The following RUNX1 variants were observed in gnomAD, a reference collection of about 807,000 sequenced individuals.
The protein encoded by RUNX1 is runt-related transcription factor 1.
Under a neutral mutation model 42.8 loss-of-function variants are expected in RUNX1, and 19 were observed. The ratio of observed to expected loss-of-function variants is 0.44; its 90% CI spans 0.31 to 0.65. The LOEUF (loss-of-function observed/expected upper bound fraction) is 0.65, where lower values mean the gene tolerates loss of function less well. Among genes scored for constraint, RUNX1 ranks in the 30% least tolerant of loss-of-function variants. The probability of loss-of-function intolerance (pLI) is 0.07; values close to 1 mark genes in which losing one functional copy is unlikely to be tolerated. For synonymous variants in RUNX1, 271 were observed against 289.4 expected (o/e 0.94, Z 0.64); for missense variants, 528 against 672.0 (o/e 0.79, Z 2.37).
At chr21:35,001,185 TG>T (rs1302964389) in intron 2 of RUNX1, among the ~76,000 whole-genome samples, 1 of 152,004 alleles carries the variant, frequency 6.6e-6, no homozygotes, top group African/African-American at 2.4e-5. Context: ...GTTTCTTATT[TG>T]TATTTTTTAA....
intron 2 of RUNX1, among the ~76,000 whole-genome samples, chr21:34,993,537 GCACACACAGACA>G (rs1166100236): frequency 1.6e-5 from 1 of 61,236 alleles, no homozygotes; most frequent in East Asian, 4.5e-4. Context: ...ATACATACAG[GCACACACAGACA>G]CACACACAGG....
chr21:34,908,121 T>C (rs963135600), intron 2 of RUNX1, among the ~76,000 whole-genome samples: 13 of 152,148 alleles, frequency 8.5e-5, no homozygotes, highest in African/African-American at 2.9e-4. Context: ...CAAAGCTAAA[T>C]GGATTTCTTC....
intron 5 of RUNX1, among the ~76,000 whole-genome samples, chr21:34,866,685 G>A (rs986111108): frequency 2.0e-5 from 3 of 152,088 alleles, no homozygotes; most frequent in Non-Finnish European, 4.4e-5. Context: ...ATTTCTGGAC[G>A]GGATACAAAT....
intron 2 of RUNX1, among the ~76,000 whole-genome samples, chr21:34,930,351 C>T (rs1341633396): frequency 6.7e-6 from 1 of 149,362 alleles, no homozygotes; most frequent in African/African-American, 2.5e-5. Context: ...AACCTAGACT[C>T]TGGTTCTTTT....
chr21:34,955,345 C>G (rs1300456636), intron 2 of RUNX1, among the ~76,000 whole-genome samples: 1 of 152,010 alleles, frequency 6.6e-6, no homozygotes, highest in Non-Finnish European at 1.5e-5. Context: ...GACTTTAGGA[C>G]TATATCTGGC....
intron 2 of RUNX1, among the ~76,000 whole-genome samples, chr21:34,921,854 G>A (rs1316323097): frequency 1.3e-5 from 2 of 151,922 alleles, no homozygotes; most frequent in Non-Finnish European, 2.9e-5. Context: ...GGCTGGTCTC[G>A]AACTCCTAAC....
intron 2 of RUNX1, among the ~76,000 whole-genome samples, chr21:34,993,820 T>TACACAGACACAC (rs1458447829): frequency 7.3e-5 from 8 of 109,570 alleles, no homozygotes; most frequent in Non-Finnish European, 7.9e-5. Flanking sequence ...CACACACACA[T>TACACAGACACAC]ACACAGACAC....
chr21:34,906,316 AGTCCGTG>A (rs1448054861), intron 2 of RUNX1, among the ~76,000 whole-genome samples: 1 of 152,234 alleles, frequency 6.6e-6, no homozygotes, highest in Admixed American at 6.5e-5. Flanking sequence ...AAGTGTTGCT[AGTCCGTG>A]AGGACAGAGA....
chr21:34,889,748 C>T (rs1208202546), intron 3 of RUNX1: 1 of 1,164,788 alleles, frequency 8.6e-7, no homozygotes, highest in Non-Finnish European at 1.1e-6. Flanking sequence ...TTTCGCGGAG[C>T]TCGGAGGGCC....
chr21:34,879,056 C>T (rs961084448), intron 5 of RUNX1, among the ~76,000 whole-genome samples: 2 of 152,158 alleles, frequency 1.3e-5, no homozygotes, highest in Admixed American at 6.5e-5. Context: ...TTAGCTAGGC[C>T]GATGGGCATG....
At chr21:34,827,932 C>T (rs1434104983) in intron 7 of RUNX1, among the ~76,000 whole-genome samples, 1 of 152,204 alleles carries the variant, frequency 6.6e-6, no homozygotes, top group African/African-American at 2.4e-5. Flanking sequence ...CCTAGCAGGG[C>T]AATGTTGAAC....
At chr21:34,970,112 G>A (rs950230832) in intron 2 of RUNX1, among the ~76,000 whole-genome samples, 4 of 152,306 alleles carry the variant, frequency 2.6e-5, no homozygotes, top group South Asian at 2.1e-4. Flanking sequence ...TGTGGGCTAC[G>A]GTATTTAACA....
At chr21:34,970,095 T>C (rs1262637503) in intron 2 of RUNX1, among the ~76,000 whole-genome samples, 4 of 152,238 alleles carry the variant, frequency 2.6e-5, no homozygotes, top group Admixed American at 2.6e-4. Flanking sequence ...TGCATTGAGA[T>C]AATTTATGTG....
chr21:35,028,241 A>C (rs913176550), intron 2 of RUNX1, among the ~76,000 whole-genome samples: 1 of 152,032 alleles, frequency 6.6e-6, no homozygotes, highest in African/African-American at 2.4e-5. Flanking sequence ...TCTCTGCCTC[A>C]CTCATCATGG....
intron 7 of RUNX1, among the ~76,000 whole-genome samples, chr21:34,805,661 GACAA>G (rs1446324547): frequency 3.9e-5 from 6 of 152,150 alleles, no homozygotes; most frequent in African/African-American, 9.7e-5. Context: ...GATATTTTCT[GACAA>G]ACAAAACTGG....
intron 6 of RUNX1, among the ~76,000 whole-genome samples, chr21:34,848,859 A>G (rs972413957): frequency 1.3e-5 from 2 of 152,096 alleles, no homozygotes; most frequent in Admixed American, 1.3e-4. Context: ...TCATACAACC[A>G]CTTCAAAGGT....
At position 34,969,765 on chromosome 21, in the gene RUNX1, C is replaced by CAAAAAAAA. The variant is rs150978735; in HGVS notation, c.59-76810_59-76803dup. ...ATTTACAGCGCTTTATCAGTTAAAGCAAAAAAAAAACAAAGGCCAGGCAGA... is the reference window on the plus strand; with the variant it reads ...ATTTACAGCGCTTTATCAGTTAAAGCAAAAAAAAAAAAAAAAAACAAAGGCCAGGCAGA... On this transcript the variant is annotated intron_variant, in intron 2 of 8. Transcript: ENST00000675419. Among the ~76,000 whole-genome samples, 91 of 124,690 alleles carry CAAAAAAAA rather than the reference C, an allele frequency of 7.3e-4. 3 individuals are homozygous for CAAAAAAAA. The highest frequency in any genetic ancestry group is 2.7e-3 in the African/African-American group (87 of 32,806). 81.8% of individuals were successfully genotyped at this position (124,690 alleles called of 152,430 possible).
chr21:34,908,884 G>C (rs1375235159), intron 2 of RUNX1, among the ~76,000 whole-genome samples: 3 of 152,130 alleles, frequency 2.0e-5, no homozygotes, highest in Non-Finnish European at 2.9e-5. Context: ...TCTAAAGAAA[G>C]AGGAACAGAG....
chr21:34,836,103 A>C (rs2146085908), intron 6 of RUNX1, among the ~76,000 whole-genome samples: 1 of 152,356 alleles, frequency 6.6e-6, no homozygotes, highest in South Asian at 2.1e-4. Context: ...CAAAATGAGG[A>C]AAAACACTTA....
Sources: gnomAD v4.1 joint callset for allele counts (sites outside exome capture counted in the v4.1 genomes callset) on GRCh38, gnomAD v4.1.1 for gene constraint, MANE v1.5 for transcripts, NCBI Gene and HGNC (gene_info 2026-07-23, HGNC 2026-07-21) for gene names.